Variants in FALEC observed in about 807,000 individuals in gnomAD.
The protein encoded by FALEC is focally amplified lncRNA on chromosome 1.
the FALEC span, among the ~76,000 whole-genome samples, chr1:150,531,382 G>A: frequency 6.6e-6 from 1 of 152,124 alleles, no homozygotes; most frequent in African/African-American, 2.4e-5. Context: ...GGCTGAGGCA[G>A]GAGAATTGCT....
At chr1:150,528,620 C>T in the FALEC span, among the ~76,000 whole-genome samples, 32 of 148,654 alleles carry the variant, frequency 2.2e-4, no homozygotes, top group Admixed American at 1.3e-3. Context: ...CTCACTCTGT[C>T]GCCCAGGCTG....
At chr1:150,529,313 A>C in the FALEC span, among the ~76,000 whole-genome samples, 22 of 152,266 alleles carry the variant, frequency 1.4e-4, no homozygotes, top group Admixed American at 1.2e-3. Flanking sequence ...TTCCTCCAGC[A>C]GCGTTCAGCC....
chr1:150,520,783 C>CTTTTTTTTTTTTTTTTTTTTTTTTTTTTT (rs71086518), downstream of FALEC, among the ~76,000 whole-genome samples: 4 of 42,818 alleles, frequency 9.3e-5, 1 homozygote, highest in African/African-American at 2.9e-4. Flanking sequence ...CTTTTCTTTT[C>CTTTTTTTTTTTTTTTTTTTTTTTTTTTTT]TTTTTTTTTT....
At chr1:150,531,864 A>G in the FALEC span, among the ~76,000 whole-genome samples, 1 of 152,164 alleles carries the variant, frequency 6.6e-6, no homozygotes, top group African/African-American at 2.4e-5. Context: ...TTCCTCAGCT[A>G]TAAAGGTGTC....
chr1:150,519,022 C>G (rs2101453731), downstream of FALEC, among the ~76,000 whole-genome samples: 1 of 152,258 alleles, frequency 6.6e-6, no homozygotes, highest in South Asian at 2.1e-4. Context: ...TGCCATTGCA[C>G]TCCAGCCTGG....
the FALEC span, among the ~76,000 whole-genome samples, chr1:150,526,861 C>T: frequency 1.3e-5 from 2 of 151,572 alleles, no homozygotes; most frequent in Non-Finnish European, 2.9e-5. Flanking sequence ...GTCTCGATCT[C>T]CTGACCTCGT....
At chr1:150,533,522 G>A in the FALEC span, among the ~76,000 whole-genome samples, 18 of 130,480 alleles carry the variant, frequency 1.4e-4, no homozygotes, top group Non-Finnish European at 3.1e-5. Context: ...TGCAACCTCC[G>A]CCTCCCAGGT....
chr1:150,516,794 CTAAAG>C (rs1367035724), intron 1 of FALEC, among the ~76,000 whole-genome samples: 1 of 152,122 alleles, frequency 6.6e-6, no homozygotes, highest in Non-Finnish European at 1.5e-5. Flanking sequence ...CAAAGTTCAG[CTAAAG>C]TAAACAGTCC....
the FALEC span, among the ~76,000 whole-genome samples, chr1:150,533,892 G>T: frequency 6.6e-6 from 1 of 152,206 alleles, no homozygotes; most frequent in Non-Finnish European, 1.5e-5. Flanking sequence ...GTTCAGATGT[G>T]GCCTTGGAGG....
chr1:150,522,867 G>GTATATATATATATATACACA (rs1397962460), downstream of FALEC, among the ~76,000 whole-genome samples: 13 of 68,108 alleles, frequency 1.9e-4, no homozygotes, highest in Non-Finnish European at 3.2e-4. Context: ...ATATATATAC[G>GTATATATATATATATACACA]TATATATACA....
the FALEC span, among the ~76,000 whole-genome samples, chr1:150,526,212 C>T: frequency 1.6e-4 from 24 of 151,926 alleles, no homozygotes; most frequent in East Asian, 1.4e-3. Flanking sequence ...CAGCTGGGCG[C>T]GGTAGCGGGC....
chr1:150,517,992 C>T (rs1419169230), exon 2 of FALEC: 1 of 152,130 alleles, frequency 6.6e-6, no homozygotes, highest in African/African-American at 2.4e-5. Flanking sequence ...TATTTCTGCA[C>T]TCTACACTAG....
the FALEC span, among the ~76,000 whole-genome samples, chr1:150,532,059 A>G: frequency 6.6e-6 from 1 of 152,106 alleles, no homozygotes; most frequent in Non-Finnish European, 1.5e-5. Context: ...GGTGCCCACC[A>G]CCACGCCCAG....
chr1:150,535,178 G>A, the FALEC span, among the ~76,000 whole-genome samples: 3 of 152,012 alleles, frequency 2.0e-5, no homozygotes, highest in African/African-American at 4.8e-5. Context: ...CTTCCTCTGA[G>A]GGATAAGAGC....
downstream of FALEC, among the ~76,000 whole-genome samples, chr1:150,518,794 C>T (rs367900149): frequency 1.1e-4 from 17 of 152,032 alleles, 1 homozygote; most frequent in East Asian, 1.7e-3. Flanking sequence ...CTGTGGCTCA[C>T]GCCTGTAATC....
chr1:150,522,849 CTCTATA>C (rs1321679344), downstream of FALEC, among the ~76,000 whole-genome samples: 185 of 90,158 alleles, frequency 2.1e-3, 2 homozygotes, highest in Non-Finnish European at 2.7e-3. Context: ...CTCTCTCTCT[CTCTATA>C]TATATATATA....
At chr1:150,532,683 G>T in the FALEC span, among the ~76,000 whole-genome samples, 32 of 152,140 alleles carry the variant, frequency 2.1e-4, no homozygotes, top group Middle Eastern at 3.4e-3. Flanking sequence ...TAGTGTGTGC[G>T]CCAGGCCCTG....
the FALEC span, among the ~76,000 whole-genome samples, chr1:150,534,840 C>CAAA: frequency 0.027 from 3,305 of 120,998 alleles, 56 homozygotes; most frequent in Non-Finnish European, 0.04. Flanking sequence ...GACTCTGTCT[C>CAAA]AAAAAAAAAA....
downstream of FALEC, chr1:150,518,145 C>A (rs1205669571): frequency 2.0e-5 from 3 of 152,128 alleles, no homozygotes; most frequent in Non-Finnish European, 4.4e-5. Flanking sequence ...GTTTACTGTA[C>A]AATCTGTCAG....
Sources: allele counts gnomAD v4.1 joint callset (sites outside exome capture counted in the v4.1 genomes callset), GRCh38; gene constraint gnomAD v4.1.1; transcripts MANE v1.5; gene names NCBI Gene and HGNC (gene_info 2026-07-23, HGNC 2026-07-21).